MLLT3: variants seen among roughly 807,000 people sequenced by gnomAD.
MLLT3 encodes the protein protein AF-9.
MLLT3 carries 4 observed loss-of-function variants against 53.2 expected under a neutral mutation model. That is an observed-to-expected ratio of 0.08 (90% CI 0.04 to 0.17). The LOEUF is 0.17. Ranked by LOEUF, MLLT3 falls within the 10% of genes least tolerant of loss-of-function variation. The pLI is 1.00. For synonymous variants in MLLT3, 283 were observed against 230.6 expected, an observed-to-expected ratio of 1.23 and a Z score of -2.06; for missense variants, 569 against 684.0, an observed-to-expected ratio of 0.83 and a Z score of 1.87.
intron 2 of MLLT3, among the ~76,000 whole-genome samples, chr9:20,571,926 G>A (rs1819542087): frequency 6.6e-6 from 1 of 152,136 alleles, no homozygotes; most frequent in African/African-American, 2.4e-5. Context: ...CACTGTTGGT[G>A]GGAATGTACA....
At chr9:20,542,561 T>A (rs1373569535) in intron 2 of MLLT3, among the ~76,000 whole-genome samples, 1 of 151,988 alleles carries the variant, frequency 6.6e-6, no homozygotes, top group Non-Finnish European at 1.5e-5. Flanking sequence ...TTTAAAGGAG[T>A]CTTTTTTTTC....
chr9:20,552,319 G>C (rs796117809), intron 2 of MLLT3, among the ~76,000 whole-genome samples: 3 of 152,308 alleles, frequency 2.0e-5, no homozygotes, highest in Admixed American at 6.5e-5. Flanking sequence ...AGACCACCCA[G>C]TAGATACAAG....
intron 10 of MLLT3, among the ~76,000 whole-genome samples, chr9:20,349,377 G>C (rs758889286): frequency 5.3e-5 from 8 of 152,166 alleles, no homozygotes; most frequent in Middle Eastern, 3.4e-3. Flanking sequence ...CTTATAAACT[G>C]ATCCTTAATT....
chr9:20,388,524 C>T (rs1329548913), intron 5 of MLLT3, among the ~76,000 whole-genome samples: 1 of 152,020 alleles, frequency 6.6e-6, no homozygotes, highest in Non-Finnish European at 1.5e-5. Context: ...GGAGACGGAG[C>T]TTGCAGTGAG....
In MLLT3 at chr9:20,562,312, C is replaced by T. The variant is rs79139972; in HGVS notation, c.193+58342G>A. Among the ~76,000 whole-genome samples the T allele has an allele frequency of 3.7e-3, 570 of 152,114 alleles. 4 individuals carry two copies. The highest frequency in any genetic ancestry group is 0.013 in the African/African-American group (534 of 41,510). On this transcript the variant is annotated intron_variant, in intron 2 of 10. Transcript: ENST00000380338. Reference sequence around the variant, plus strand: ...AAAATGCGGTTGAATTCTGCTATCGCTGTTTCCACTCCCACCACTACCTCT... The same window carrying T: ...AAAATGCGGTTGAATTCTGCTATCGTTGTTTCCACTCCCACCACTACCTCT...
chr9:20,477,331 C>G (rs1824548633), intron 2 of MLLT3, among the ~76,000 whole-genome samples: 2 of 152,084 alleles, frequency 1.3e-5, no homozygotes, highest in African/African-American at 2.4e-5. Flanking sequence ...TGCTTATGCC[C>G]TTTGTTTTTT....
chr9:20,453,201 A>T (rs929259599), intron 3 of MLLT3, among the ~76,000 whole-genome samples: 1 of 152,186 alleles, frequency 6.6e-6, no homozygotes, highest in African/African-American at 2.4e-5. Context: ...TAAAAATGCT[A>T]TATCCATGTG....
chr9:20,479,175 A>G (rs1443064095), intron 2 of MLLT3, among the ~76,000 whole-genome samples: 1 of 152,196 alleles, frequency 6.6e-6, no homozygotes, highest in Non-Finnish European at 1.5e-5. Flanking sequence ...AATGTTTCTA[A>G]TATGACATAA....
chr9:20,484,116 G>A (rs902458213), intron 2 of MLLT3, among the ~76,000 whole-genome samples: 5 of 151,892 alleles, frequency 3.3e-5, no homozygotes, highest in Admixed American at 3.3e-4. Context: ...TATAACTACA[G>A]GTGATTAATT....
At chr9:20,411,570 T>C (rs1822729093) in intron 5 of MLLT3, among the ~76,000 whole-genome samples, 1 of 152,182 alleles carries the variant, frequency 6.6e-6, no homozygotes, top group South Asian at 2.1e-4. Flanking sequence ...GCAGAGTACA[T>C]TACAAAAACT....
chr9:20,453,285 T>C (rs966738976), intron 3 of MLLT3, among the ~76,000 whole-genome samples: 1 of 152,028 alleles, frequency 6.6e-6, no homozygotes, highest in Non-Finnish European at 1.5e-5. Context: ...ATTTGGCCAG[T>C]TGGGGTGGCT....
intron 2 of MLLT3, among the ~76,000 whole-genome samples, chr9:20,510,186 A>G (rs771563164): frequency 6.6e-6 from 1 of 152,222 alleles, no homozygotes; most frequent in African/African-American, 2.4e-5. Context: ...TCTTTAAAGA[A>G]TTCCAACAAC....
intron 2 of MLLT3, among the ~76,000 whole-genome samples, chr9:20,518,748 CCA>C (rs1457933522): frequency 1.3e-5 from 2 of 152,138 alleles, no homozygotes; most frequent in East Asian, 3.9e-4. Context: ...AATAATGTAA[CCA>C]CAGTCTAATC....
chr9:20,370,516 CTT>C (rs112766052), intron 5 of MLLT3, among the ~76,000 whole-genome samples: 1 of 146,482 alleles, frequency 6.8e-6, no homozygotes, highest in Non-Finnish European at 1.5e-5. Flanking sequence ...AGCCACAAAT[CTT>C]TTTTTTTTTG....
At chr9:20,507,058 C>A (rs1342535315) in intron 2 of MLLT3, among the ~76,000 whole-genome samples, 1 of 152,182 alleles carries the variant, frequency 6.6e-6, no homozygotes, top group Non-Finnish European at 1.5e-5. Flanking sequence ...CCCCTAAAAC[C>A]TTTAACAAGT....
At chr9:20,490,156 A>C (rs1231381793) in intron 2 of MLLT3, among the ~76,000 whole-genome samples, 1 of 152,200 alleles carries the variant, frequency 6.6e-6, no homozygotes, top group Non-Finnish European at 1.5e-5. Context: ...AGAATTCTAA[A>C]GCTGCCCCCC....
At chr9:20,361,434 C>G (rs979072849) in intron 7 of MLLT3, among the ~76,000 whole-genome samples, 2 of 152,164 alleles carry the variant, frequency 1.3e-5, no homozygotes, top group African/African-American at 4.8e-5. Flanking sequence ...CCGCTGACAG[C>G]ACAGAGTGAC....
intron 5 of MLLT3, among the ~76,000 whole-genome samples, chr9:20,409,561 G>A (rs1225643980): frequency 6.6e-6 from 1 of 152,164 alleles, no homozygotes; most frequent in Non-Finnish European, 1.5e-5. Flanking sequence ...GGAATATCAT[G>A]TACCCCAAAG....
At chr9:20,572,769 G>A (rs973123459) in intron 2 of MLLT3, among the ~76,000 whole-genome samples, 4 of 152,110 alleles carry the variant, frequency 2.6e-5, no homozygotes, top group African/African-American at 9.7e-5. Context: ...ACTCCAGCCT[G>A]GGCAATGGAG....
Sources: allele counts gnomAD v4.1 joint callset (sites outside exome capture counted in the v4.1 genomes callset), GRCh38; gene constraint gnomAD v4.1.1; transcripts MANE v1.5; gene names NCBI Gene and HGNC (gene_info 2026-07-23, HGNC 2026-07-21).